Variants in SPTBN4 observed in about 807,000 individuals in gnomAD.
SPTBN4 encodes spectrin beta, non-erythrocytic 4.
SPTBN4 carries 96 observed loss-of-function variants against 277.8 expected under a neutral mutation model. The ratio of observed to expected loss-of-function variants is 0.35; its 90% CI spans 0.29 to 0.41. The LOEUF (loss-of-function observed/expected upper bound fraction) is 0.41, where lower values mean the gene tolerates loss of function less well. SPTBN4 is among the 10% of genes least tolerant of loss of function. SPTBN4 has a pLI of 1.00. For synonymous variants in SPTBN4, 1,481 were observed against 1,580.3 expected (o/e 0.94, Z 1.49); for missense variants, 3,006 against 3,595.7 (o/e 0.84, Z 4.19).
At chr19:40,536,187 C>CTCTTT (rs1467082484) in intron 20 of SPTBN4, among the ~76,000 whole-genome samples, 1 of 151,810 alleles carries the variant, frequency 6.6e-6, no homozygotes, top group Non-Finnish European at 1.5e-5. Context: ...CCCTTCCCCT[C>CTCTTT]TCTTTTCTTT....
rs553940290 is a variant in SPTBN4 at position 40,534,071 on chromosome 19, T to C, written c.4096-9T>C. 82 of 1,595,630 alleles carry C rather than the reference T, an allele frequency of 5.1e-5. No homozygotes were observed. The East Asian group carries it at 1.7e-3, about 32-fold the overall frequency. ...TCTCCATCTCCTGCCATCCACCCAC[T>C]TGGGGCAGGAGGGCCAGCAACTGAT... On this transcript the variant is annotated splice_polypyrimidine_tract_variant and intron_variant, in intron 19 of 35. Coordinates refer to ENST00000598249, the MANE Select transcript of SPTBN4 (RefSeq NM_020971.3).
At chr19:40,504,375 A>G (rs905625925) in intron 12 of SPTBN4, among the ~76,000 whole-genome samples, 3 of 152,026 alleles carry the variant, frequency 2.0e-5, no homozygotes, top group African/African-American at 7.2e-5. Flanking sequence ...AATAGAGAGA[A>G]ATAGAAACAT....
At chr19:40,564,339 A>G (rs1465424454) in intron 27 of SPTBN4, among the ~76,000 whole-genome samples, 2 of 152,190 alleles carry the variant, frequency 1.3e-5, no homozygotes, top group Admixed American at 6.5e-5. Context: ...ACAACAACAA[A>G]AAACTATTAA....
At chr19:40,471,264 A>T (rs1387822025) in intron 1 of SPTBN4, among the ~76,000 whole-genome samples, 2 of 152,120 alleles carry the variant, frequency 1.3e-5, no homozygotes, top group Non-Finnish European at 2.9e-5. Flanking sequence ...CTATGTTTGA[A>T]TCCTAGATAC....
At chr19:40,514,036 C>A (rs935416513) in intron 14 of SPTBN4, among the ~76,000 whole-genome samples, 1 of 152,204 alleles carries the variant, frequency 6.6e-6, no homozygotes, top group Non-Finnish European at 1.5e-5. Flanking sequence ...TCCTGTTTTA[C>A]ATTTCTTTGT....
At chr19:40,555,070 C>T (rs551768870) in intron 24 of SPTBN4, 1 of 178,556 alleles carries the variant, frequency 5.6e-6, no homozygotes, top group African/African-American at 2.4e-5. Flanking sequence ...GGATGCTGAG[C>T]TCCAGGCCTG....
intron 17 of SPTBN4, among the ~76,000 whole-genome samples, chr19:40,528,162 T>A (rs1356277047): frequency 1.3e-5 from 2 of 150,632 alleles, no homozygotes; most frequent in Non-Finnish European, 3.0e-5. Flanking sequence ...ATTCTCTCTC[T>A]CTCCCTGGGG....
chr19:40,527,378 G>T (rs976392652), intron 17 of SPTBN4, among the ~76,000 whole-genome samples: 7 of 152,098 alleles, frequency 4.6e-5, no homozygotes, highest in Non-Finnish European at 8.8e-5. Context: ...CTTTTTCTAA[G>T]CATTGGGGAC....
intron 18 of SPTBN4, chr19:40,530,770 G>A: frequency 5.8e-6 from 1 of 171,888 alleles, no homozygotes; most frequent in Non-Finnish European, 1.1e-5. Context: ...GCCGGGAGCT[G>A]TCCGCGGTGC....
chr19:40,570,266 ACCCATGGGG>A (rs1357478908), intron 32 of SPTBN4, among the ~76,000 whole-genome samples, 161 bp from the exon 33 acceptor site: 1 of 150,900 alleles, frequency 6.6e-6, no homozygotes, highest in African/African-American at 2.4e-5. Flanking sequence ...CACTCCCAAG[ACCCATGGGG>A]CCCTAAGAAT....
At chr19:40,497,948 C>T (rs1387788763) in intron 7 of SPTBN4, among the ~76,000 whole-genome samples, 2 of 151,820 alleles carry the variant, frequency 1.3e-5, no homozygotes, top group Admixed American at 6.6e-5. Flanking sequence ...ACTCCCACTC[C>T]CCTACCCCAG....
intron 15 of SPTBN4, among the ~76,000 whole-genome samples, chr19:40,516,687 G>A (rs745420134): frequency 3.9e-5 from 6 of 152,116 alleles, no homozygotes; most frequent in South Asian, 2.1e-4. Context: ...ATCCGGGCAT[G>A]GTGGCATGTG....
intron 4 of SPTBN4, among the ~76,000 whole-genome samples, chr19:40,491,713 C>CAAAAAAA (rs35237688): frequency 0.011 from 436 of 38,770 alleles, 54 homozygotes; most frequent in Middle Eastern, 0.036. Context: ...GACTCTGTCT[C>CAAAAAAA]AAAAAAAAAA....
chr19:40,565,735 G>T lies in SPTBN4; in HGVS notation c.6129G>T (p.Trp2043Cys). Residue 2043 changes from tryptophan (W) to cysteine (C), a missense_variant, in exon 29 of 36, where the codon TGG (tryptophan) becomes TGT (cysteine). Physicochemically the swap from Trp to Cys is radical, Grantham distance 215. Around this residue, in one of 5 missense-constraint regions of SPTBN4, gnomAD observed 425 missense variants for 594.7 expected, o/e 0.71. Transcript: ENST00000598249. ...VSEKWDRHWE[W>C]LQQMLEVHQF... Reference sequence around the variant, plus strand: ...AAAAGTGGGACCGCCATTGGGAGTGGCTGCAGCAGAGTGAGTGGGGGCCCA... The same window carrying T: ...AAAAGTGGGACCGCCATTGGGAGTGTCTGCAGCAGAGTGAGTGGGGGCCCA... 6.4e-7 allele frequency: 1 copy of T among 1,552,448 alleles called. No individual in the cohort carries two copies. The highest frequency in any genetic ancestry group is 8.7e-7 in the Non-Finnish European group (1 of 1,147,844).
At chr19:40,558,178 T>G (rs1468566649) in intron 26 of SPTBN4, among the ~76,000 whole-genome samples, 1 of 151,552 alleles carries the variant, frequency 6.6e-6, no homozygotes, top group Non-Finnish European at 1.5e-5. Context: ...ACCAACATGA[T>G]GAAACCCCGT....
At chr19:40,516,718 GGAGGCT>G (rs1181129949) in intron 15 of SPTBN4, among the ~76,000 whole-genome samples, 21 of 152,274 alleles carry the variant, frequency 1.4e-4, no homozygotes, top group Non-Finnish European at 2.8e-4. Context: ...TAGCTACTCA[GGAGGCT>G]GAGGCAGAAG....
chr19:40,490,188 C>A lies in SPTBN4; in HGVS notation c.435C>A (p.Ile145=), dbSNP rs1176885207. 2 of 1,614,216 alleles carry A rather than the reference C, an allele frequency of 1.2e-6. No individual in the cohort carries two copies. Among genetic ancestry groups the A allele is most frequent in the Non-Finnish European group, 8.5e-7 (1 of 1,180,030 alleles). ...TGGAGAACGTGGGTTCGCATGACATCGTGGATGGGAATCACCGGCTGACGC... is the reference window on the plus strand; with the variant it reads ...TGGAGAACGTGGGTTCGCATGACATAGTGGATGGGAATCACCGGCTGACGC... The part of the protein sequence containing the change: ...VHLENVGSHD[I]VDGNHRLTLG... Residue 145 remains isoleucine, a synonymous_variant, in exon 4 of 36, where the codon ATC becomes ATA. Coordinates refer to ENST00000598249, the MANE Select transcript of SPTBN4 (RefSeq NM_020971.3). The surrounding 1 kb of genome is among the most constrained non-coding windows in gnomAD (Gnocchi z 4.3).
At chr19:40,468,170 C>T (rs955365735) in intron 1 of SPTBN4, among the ~76,000 whole-genome samples, 3 of 152,068 alleles carry the variant, frequency 2.0e-5, no homozygotes, top group Admixed American at 6.6e-5. Flanking sequence ...CTCTGCCTCC[C>T]GACTTCAAGC....
chr19:40,535,728 C>T (rs898178932), intron 20 of SPTBN4, among the ~76,000 whole-genome samples: 4 of 152,014 alleles, frequency 2.6e-5, no homozygotes, highest in East Asian at 1.9e-4. Flanking sequence ...GTCAACAGTT[C>T]GAGACCAGCC....
Sources: gnomAD v4.1 joint callset for allele counts (sites outside exome capture counted in the v4.1 genomes callset) on GRCh38, gnomAD v4.1.1 for gene constraint, gnomAD v4.1.1 regional missense constraint, Gnocchi (gnomAD v3.1) non-coding constraint, MANE v1.5 for transcripts, NCBI Gene and HGNC (gene_info 2026-07-23, HGNC 2026-07-21) for gene names.